The following MAP4K1 variants were observed in gnomAD, a reference collection of about 807,000 sequenced individuals.
The protein encoded by MAP4K1 is mitogen-activated protein kinase kinase kinase kinase 1.
A neutral mutation model predicts 122.8 loss-of-function variants in MAP4K1; 35 were observed. That is an observed-to-expected ratio of 0.29 (90% CI 0.22 to 0.38). MAP4K1 has a LOEUF of 0.38. Ranked by LOEUF, MAP4K1 falls within the 10% of genes least tolerant of loss-of-function variation. The pLI is 1.00. For missense variants in MAP4K1, 791 were observed against 1,072.6 expected (o/e 0.74, Z 3.67); for synonymous variants, 412 against 421.3 (o/e 0.98, Z 0.27).
At chr19:38,608,839 C>A (rs1326761750) in intron 13 of MAP4K1, among the ~76,000 whole-genome samples, 1 of 133,436 alleles carries the variant, frequency 7.5e-6, no homozygotes, top group East Asian at 2.2e-4. Context: ...ACATTAGCCA[C>A]GCGTGGTGAA....
At chr19:38,611,192 C>G in intron 10 of MAP4K1, 51 bp downstream of exon 10, 1 of 1,601,780 alleles carries the variant, frequency 6.2e-7, no homozygotes, top group East Asian at 2.2e-5. Context: ...ATCAGGCCAC[C>G]CAGCCCCAGC....
In MAP4K1 at chr19:38,597,437, A is replaced by C; in HGVS notation, c.1778+49T>G. 1 of 1,612,244 alleles carries C rather than the reference A, an allele frequency of 6.2e-7. No homozygotes were observed. The highest frequency in any genetic ancestry group is 8.5e-7 in the Non-Finnish European group (1 of 1,178,364). The stretch of plus-strand genomic sequence containing the variant: ...GTAGGACAGCAGGAGGCAGAGGGGC[A>C]TGGGAGGAATTATAAGGCTGTGTGG... On this transcript the variant is annotated intron_variant, in intron 23 of 30. Transcript: ENST00000396857. The surrounding 1 kb of genome is among the most constrained non-coding windows in gnomAD (Gnocchi z 4.6).
intron 13 of MAP4K1, among the ~76,000 whole-genome samples, 188 bp downstream of exon 13, chr19:38,609,408 T>C (rs1019463341): frequency 6.6e-6 from 1 of 152,134 alleles, no homozygotes; most frequent in African/African-American, 2.4e-5. Flanking sequence ...GTGCTGGGAT[T>C]ACAGGCATGA....
At chr19:38,602,539 C>CATATACATATATACACACATATACAT (rs1568630013) in intron 19 of MAP4K1, among the ~76,000 whole-genome samples, 4 of 147,996 alleles carry the variant, frequency 2.7e-5, no homozygotes, top group African/African-American at 1.0e-4. Flanking sequence ...CATATATACA[C>CATATACATATATACACACATATACAT]ATATACATAT....
chr19:38,604,556 C>T (rs1187275491), intron 19 of MAP4K1, among the ~76,000 whole-genome samples: 7 of 151,778 alleles, frequency 4.6e-5, no homozygotes, highest in African/African-American at 1.5e-4. Context: ...TTTGGGAGGC[C>T]GAGGCGGGCA....
At position 38,603,255 on chromosome 19, in the gene MAP4K1, T is replaced by C. The variant is rs1053774090; in HGVS notation, c.1447-1730A>G. ...ACACATATATATACACATGTACATA[T>C]ATACGCATATACATATATACACATA... On this transcript the variant is annotated intron_variant, in intron 19 of 30. Transcript: ENST00000396857. Among the ~76,000 whole-genome samples, 3 of 150,166 alleles carry C rather than the reference T, an allele frequency of 2.0e-5. No individual in the cohort carries two copies. The Admixed American group carries it at 2.0e-4, about 10-fold the overall frequency.
chr19:38,598,961 C>T (rs1336188276), intron 22 of MAP4K1, among the ~76,000 whole-genome samples: 2 of 142,898 alleles, frequency 1.4e-5, no homozygotes, highest in Non-Finnish European at 3.0e-5. Context: ...TGCAGTGAGC[C>T]GAGACTGCGC....
chr19:38,609,535 G>C, intron 13 of MAP4K1, 61 bp downstream of exon 13: 1 of 1,442,278 alleles, frequency 6.9e-7, no homozygotes, highest in Non-Finnish European at 9.6e-7. Flanking sequence ...GGTAGGGGAA[G>C]GTGGTCTCTT....
intron 30 of MAP4K1, 57 bp downstream of exon 30, chr19:38,593,223 GCT>G: frequency 6.6e-7 from 1 of 1,519,044 alleles, no homozygotes; most frequent in East Asian, 2.3e-5. Context: ...ACCTCAGAAT[GCT>G]CTCTTCACAT....
chr19:38,610,982 C>T, intron 11 of MAP4K1, 69 bp downstream of exon 11: 1 of 1,360,604 alleles, frequency 7.3e-7, no homozygotes, highest in Non-Finnish European at 1.0e-6. Flanking sequence ...CAAAGTTATC[C>T]ATGTCCTCGG....
intron 30 of MAP4K1, 146 bp downstream of exon 30, chr19:38,593,134 AAC>A (rs1974775866): frequency 3.1e-6 from 2 of 637,662 alleles, no homozygotes; most frequent in Non-Finnish European, 5.1e-6. Context: ...CAGTGCAGAG[AAC>A]AGACTCTAGG....
chr19:38,602,985 T>TAC (rs1975162929), intron 19 of MAP4K1, among the ~76,000 whole-genome samples: 1 of 134,134 alleles, frequency 7.5e-6, no homozygotes, highest in Non-Finnish European at 1.6e-5. Flanking sequence ...TATACGCATA[T>TAC]ACATATATAC....
intron 19 of MAP4K1, among the ~76,000 whole-genome samples, chr19:38,603,852 T>G (rs1003438389): frequency 6.6e-6 from 1 of 151,456 alleles, no homozygotes; most frequent in Non-Finnish European, 1.5e-5. Flanking sequence ...GGCGTGGTGG[T>G]GGGCGCCTGT....
intron 16 of MAP4K1, 70 bp from the exon 17 acceptor site, chr19:38,606,285 C>T: frequency 1.3e-6 from 1 of 761,742 alleles, no homozygotes. Flanking sequence ...TGGCATGGTT[C>T]TGGGCTGGAG....
At chr19:38,600,033 G>A (rs373933759) in intron 21 of MAP4K1, 44 bp downstream of exon 21, 206 of 1,613,832 alleles carry the variant, frequency 1.3e-4, no homozygotes, top group Non-Finnish European at 1.6e-4. Context: ...AGCAACCCCC[G>A]ACTCCGGCCC....
At chr19:38,608,407 C>A (rs898015571) in intron 13 of MAP4K1, among the ~76,000 whole-genome samples, 4 of 151,934 alleles carry the variant, frequency 2.6e-5, no homozygotes, top group Non-Finnish European at 5.9e-5. Flanking sequence ...AATCCCAGTA[C>A]TTTGGAAGGC....
chr19:38,593,729 A>G (rs77020312), intron 29 of MAP4K1, among the ~76,000 whole-genome samples: 246 of 152,260 alleles, frequency 1.6e-3, no homozygotes, highest in African/African-American at 5.5e-3. Flanking sequence ...GAAAATACAA[A>G]AATTAGCCAG....
chr19:38,608,004 C>T lies in MAP4K1; in HGVS notation c.1095G>A (p.Arg365=), dbSNP rs1568636811. 3.7e-6 allele frequency: 6 copies of T among 1,610,990 alleles called. No homozygotes were observed. The highest frequency in any genetic ancestry group is 5.1e-6 in the Non-Finnish European group (6 of 1,178,276). The change falls in exon 15 of 31, where the codon AGG becomes AGA. Residue 365 remains arginine (R), a synonymous_variant. Coordinates refer to ENST00000396857, the MANE Select transcript of MAP4K1 (RefSeq NM_001042600.3). The part of the protein sequence containing the change: ...TARLQPPRDL[R]SSSPRKQLSE... ...GGGTCCCTGACCTGGGGCTGCTGCT[C>T]CTGAGGTCTCGAGGAGGCTGTAGGC...
intron 29 of MAP4K1, 22 bp downstream of exon 29, chr19:38,595,463 G>A (rs1325845057): frequency 6.2e-7 from 1 of 1,613,606 alleles, no homozygotes; most frequent in Non-Finnish European, 8.5e-7. Flanking sequence ...CAGTGATGTG[G>A]AGTTTGGATG....
Sources: allele counts gnomAD v4.1 joint callset (sites outside exome capture counted in the v4.1 genomes callset), GRCh38; gene constraint gnomAD v4.1.1; non-coding constraint Gnocchi (gnomAD v3.1); transcripts MANE v1.5; gene names NCBI Gene and HGNC (gene_info 2026-07-23, HGNC 2026-07-21).